MAGI2: variants seen among roughly 807,000 people sequenced by gnomAD.
The protein encoded by MAGI2 is membrane-associated guanylate kinase, WW and PDZ domain-containing protein 2.
Under a neutral mutation model 133.3 loss-of-function variants are expected in MAGI2, and 35 were observed. The observed-to-expected ratio is 0.26, with a 90% CI of 0.20 to 0.35. MAGI2 has a LOEUF of 0.35. Ranked by LOEUF, MAGI2 falls within the 10% of genes least tolerant of loss-of-function variation. MAGI2 has a pLI of 1.00. For missense variants in MAGI2, 1,636 were observed against 1,863.4 expected (o/e 0.88, Z 2.25); for synonymous variants, 729 against 710.6 (o/e 1.03, Z -0.41).
intron 5 of MAGI2, among the ~76,000 whole-genome samples, chr7:78,501,244 G>T (rs1794592949): frequency 6.6e-6 from 1 of 152,120 alleles, no homozygotes; most frequent in South Asian, 2.1e-4. Flanking sequence ...TGACAAGACG[G>T]GGGTCTTAGG....
chr7:79,006,211 C>T (rs1807428729), intron 2 of MAGI2, among the ~76,000 whole-genome samples: 1 of 151,984 alleles, frequency 6.6e-6, no homozygotes, highest in African/African-American at 2.4e-5. Context: ...TCACTTATAC[C>T]AGCCAACTTT....
chr7:78,954,241 C>G (rs1398018033), intron 2 of MAGI2, among the ~76,000 whole-genome samples: 1 of 152,074 alleles, frequency 6.6e-6, no homozygotes, highest in East Asian at 1.9e-4. Context: ...TGGAGAACCC[C>G]TTTTCAGCAA....
intron 1 of MAGI2, among the ~76,000 whole-genome samples, chr7:79,203,192 T>A (rs753762416): frequency 6.6e-6 from 1 of 152,082 alleles, no homozygotes; most frequent in Non-Finnish European, 1.5e-5. Context: ...TACCATCATT[T>A]CTCCCTTGGG....
chr7:79,329,698 C>T (rs1839928937), intron 1 of MAGI2, among the ~76,000 whole-genome samples: 1 of 152,326 alleles, frequency 6.6e-6, no homozygotes, highest in African/African-American at 2.4e-5. Flanking sequence ...ATCCTCTGGG[C>T]TCCATGGAGA....
At chr7:78,540,661 T>G (rs1339862105) in intron 3 of MAGI2, among the ~76,000 whole-genome samples, 1 of 152,090 alleles carries the variant, frequency 6.6e-6, no homozygotes, top group Non-Finnish European at 1.5e-5. Flanking sequence ...GCTGAAAGTT[T>G]CCTTCTCTCT....
chr7:78,356,686 G>C (rs1279263780), intron 7 of MAGI2, among the ~76,000 whole-genome samples: 2 of 152,140 alleles, frequency 1.3e-5, no homozygotes, highest in Non-Finnish European at 2.9e-5. Flanking sequence ...CTTGAGCGCT[G>C]GTGGGAACTC....
chr7:78,090,015 C>T (rs138929267), intron 20 of MAGI2, among the ~76,000 whole-genome samples: 42 of 152,276 alleles, frequency 2.8e-4, no homozygotes, highest in Middle Eastern at 3.4e-3. Context: ...CTTGTACTTC[C>T]TCCACTCTTC....
chr7:79,401,359 A>T (rs1368155873), intron 1 of MAGI2, among the ~76,000 whole-genome samples: 2 of 152,308 alleles, frequency 1.3e-5, no homozygotes, highest in East Asian at 3.9e-4. Flanking sequence ...AATTGGAAGG[A>T]TATGCTGTTT....
chr7:78,500,302 A>C (rs892529003), intron 5 of MAGI2, among the ~76,000 whole-genome samples: 2 of 152,224 alleles, frequency 1.3e-5, no homozygotes, highest in African/African-American at 4.8e-5. Flanking sequence ...TCCAGTGTTA[A>C]TGTATTTCTT....
intron 12 of MAGI2, among the ~76,000 whole-genome samples, chr7:78,187,429 A>T (rs1827796020): frequency 6.6e-6 from 1 of 152,150 alleles, no homozygotes. Context: ...AACCTCCCCC[A>T]TTCTGAATGT....
chr7:78,999,756 C>T (rs1806669826), intron 2 of MAGI2, among the ~76,000 whole-genome samples: 1 of 152,168 alleles, frequency 6.6e-6, no homozygotes, highest in Non-Finnish European at 1.5e-5. Flanking sequence ...GTTTATATGT[C>T]TCCCAAGAAA....
intron 6 of MAGI2, among the ~76,000 whole-genome samples, chr7:78,387,209 C>A (rs966023749): frequency 6.6e-6 from 1 of 152,168 alleles, no homozygotes; most frequent in African/African-American, 2.4e-5. Flanking sequence ...AGTCAGAAAT[C>A]AATGTGTGAC....
intron 7 of MAGI2, chr7:78,359,510 T>A (rs1191088705): frequency 6.6e-6 from 1 of 152,218 alleles, no homozygotes; most frequent in East Asian, 1.9e-4. Flanking sequence ...TCTTTAGAAA[T>A]GCCCTTTTAA....
At chr7:79,231,795 T>A (rs1199114383) in intron 1 of MAGI2, among the ~76,000 whole-genome samples, 1 of 149,950 alleles carries the variant, frequency 6.7e-6, no homozygotes, top group Non-Finnish European at 1.5e-5. Context: ...TTCCTTCTCC[T>A]GCCTAATTGC....
intron 1 of MAGI2, among the ~76,000 whole-genome samples, chr7:79,047,595 A>T (rs1812298648): frequency 6.6e-6 from 1 of 152,142 alleles, no homozygotes; most frequent in Admixed American, 6.5e-5. Context: ...AAATTAGGGA[A>T]AAACCTCTAT....
intron 2 of MAGI2, among the ~76,000 whole-genome samples, chr7:78,702,801 G>A (rs1249749966): frequency 6.6e-6 from 1 of 151,972 alleles, no homozygotes. Flanking sequence ...CTGAAGAAAT[G>A]ATAAATTCAA....
intron 2 of MAGI2, among the ~76,000 whole-genome samples, chr7:78,700,248 C>G (rs1046779453): frequency 6.6e-6 from 1 of 152,108 alleles, no homozygotes; most frequent in African/African-American, 2.4e-5. Flanking sequence ...AGATTCTCCT[C>G]TTGATAGACT....
intron 9 of MAGI2, among the ~76,000 whole-genome samples, chr7:78,283,663 A>G (rs1384783271): frequency 6.6e-6 from 1 of 152,090 alleles, no homozygotes; most frequent in African/African-American, 2.4e-5. Flanking sequence ...GAGAATGGCT[A>G]GGAAATTCTT....
chr7:78,984,724 C>T (rs1805089373), intron 2 of MAGI2, among the ~76,000 whole-genome samples: 1 of 151,946 alleles, frequency 6.6e-6, no homozygotes, highest in African/African-American at 2.4e-5. Context: ...CACACACACT[C>T]AGCACTATCA....
Sources: gnomAD v4.1 joint callset for allele counts (sites outside exome capture counted in the v4.1 genomes callset) on GRCh38, gnomAD v4.1.1 for gene constraint, MANE v1.5 for transcripts, NCBI Gene and HGNC (gene_info 2026-07-23, HGNC 2026-07-21) for gene names.